The following HDAC1 variants were observed in gnomAD, a reference collection of about 807,000 sequenced individuals.
HDAC1 encodes the protein protein deacetylase HDAC1.
Under a neutral mutation model 65.5 loss-of-function variants are expected in HDAC1, and 18 were observed. The ratio of observed to expected loss-of-function variants is 0.27; its 90% CI spans 0.19 to 0.41. The LOEUF is 0.41. HDAC1 is among the 10% of genes least tolerant of loss of function. HDAC1 has a pLI of 1.00. For synonymous variants in HDAC1, 211 were observed against 227.9 expected, an observed-to-expected ratio of 0.93 and a Z score of 0.67; for missense variants, 373 against 625.2, an observed-to-expected ratio of 0.60 and a Z score of 4.30.
In HDAC1 at chr1:32,333,136, A is replaced by C; in HGVS notation, c.*92A>C. The C allele has an allele frequency of 9.6e-7, 1 of 1,046,668 alleles. No individual in the cohort carries two copies. Among genetic ancestry groups the C allele is most frequent in the Non-Finnish European group, 1.4e-6 (1 of 721,984 alleles). The allele number at this position is 1,046,668 out of a possible 1,614,324, so 64.8% of individuals were successfully genotyped here. A position where few individuals can be genotyped will look rare whatever the true frequency, so the allele number is the denominator to read the frequency against. On this transcript the variant is annotated 3_prime_UTR_variant, in exon 14 of 14. Coordinates refer to ENST00000373548, the MANE Select transcript of HDAC1 (RefSeq NM_004964.3). ...ATATTTTCTATTTCTCTGTGTATTT[A>C]TATAAAAATTTATTAAATATAAATA...
chr1:32,300,797 A>G (rs1483808518), intron 1 of HDAC1, among the ~76,000 whole-genome samples: 1 of 152,172 alleles, frequency 6.6e-6, no homozygotes, highest in Admixed American at 6.6e-5. Context: ...GTGTGTCTGG[A>G]GCACAGGTTG....
intron 2 of HDAC1, among the ~76,000 whole-genome samples, chr1:32,304,063 G>A (rs552649607): frequency 2.0e-5 from 3 of 152,298 alleles, no homozygotes; most frequent in East Asian, 1.9e-4. Flanking sequence ...AAGCAGGGAG[G>A]CTAGGTAAGT....
At chr1:32,312,844 T>G (rs1641008693) in intron 2 of HDAC1, among the ~76,000 whole-genome samples, 1 of 151,802 alleles carries the variant, frequency 6.6e-6, no homozygotes, top group Non-Finnish European at 1.5e-5. Flanking sequence ...CCCAGCTAAT[T>G]TTTGTATTTT....
At chr1:32,301,645 C>T (rs1640850376) in intron 1 of HDAC1, among the ~76,000 whole-genome samples, 1 of 151,838 alleles carries the variant, frequency 6.6e-6, no homozygotes, top group Non-Finnish European at 1.5e-5. Flanking sequence ...TAGCACATGC[C>T]TGTGATGCCA....
intron 3 of HDAC1, among the ~76,000 whole-genome samples, chr1:32,318,763 G>A (rs1641098371): frequency 6.6e-6 from 1 of 152,136 alleles, no homozygotes; most frequent in South Asian, 2.1e-4. Context: ...CCTGAGGAGT[G>A]TGCAGGTTCT....
intron 3 of HDAC1, among the ~76,000 whole-genome samples, chr1:32,321,889 G>A (rs549876943): frequency 5.2e-4 from 79 of 152,184 alleles, no homozygotes; most frequent in South Asian, 1.0e-3. Context: ...ATAAACAGCC[G>A]GGGCCCAGGG....
chr1:32,301,778 A>G (rs1640851902), intron 1 of HDAC1, among the ~76,000 whole-genome samples: 1 of 152,196 alleles, frequency 6.6e-6, no homozygotes, highest in African/African-American at 2.4e-5. Context: ...CAAAAAAAAG[A>G]AAGTCCTTGA....
intron 3 of HDAC1, 57 bp downstream of exon 3, chr1:32,316,839 C>A: frequency 1.9e-6 from 2 of 1,049,396 alleles, no homozygotes; most frequent in Non-Finnish European, 3.0e-6. Flanking sequence ...TCCCTTTCCA[C>A]TGTAGAGGCC....
rs550409911 is a variant in HDAC1 at position 32,331,203 on chromosome 1, C to T, written c.980-271C>T. Among the ~76,000 whole-genome samples the T allele has an allele frequency of 6.4e-4, 98 of 152,252 alleles. No individual in the cohort carries two copies. Among genetic ancestry groups the T allele is most frequent in the Admixed American group, 2.6e-3 (39 of 15,294 alleles). ...TAACTGGAGTAGCGAGTGAAGGGAG[C>T]GCTCATAATGAGCATGGCCTCAAGT... On this transcript the variant is annotated intron_variant, in intron 9 of 13. Coordinates refer to ENST00000373548, the MANE Select transcript of HDAC1 (RefSeq NM_004964.3). The surrounding 1 kb of genome is among the most constrained non-coding windows in gnomAD (Gnocchi z 4.2).
chr1:32,316,190 A>G (rs1341474542), intron 2 of HDAC1, among the ~76,000 whole-genome samples: 1 of 151,932 alleles, frequency 6.6e-6, no homozygotes, highest in Non-Finnish European at 1.5e-5. Context: ...AGGCTGAGGC[A>G]GGAGAATGGC....
chr1:32,306,594 T>G (rs1235339019), intron 2 of HDAC1, among the ~76,000 whole-genome samples: 1 of 152,178 alleles, frequency 6.6e-6, no homozygotes, highest in Non-Finnish European at 1.5e-5. Flanking sequence ...GTAGCACTTC[T>G]TTTTAATTTA....
chr1:32,315,599 C>T (rs948979381), intron 2 of HDAC1, among the ~76,000 whole-genome samples: 5 of 151,060 alleles, frequency 3.3e-5, no homozygotes, highest in African/African-American at 1.2e-4. Flanking sequence ...GTGATCCACC[C>T]GCCTCAGCCT....
intron 6 of HDAC1, among the ~76,000 whole-genome samples, chr1:32,328,715 T>C (rs759779616): frequency 2.0e-5 from 3 of 151,926 alleles, no homozygotes; most frequent in Non-Finnish European, 4.4e-5. Flanking sequence ...CTCTCTGGAG[T>C]GGAAAGGGTT....
At chr1:32,312,698 CAG>C (rs1192141993) in intron 2 of HDAC1, among the ~76,000 whole-genome samples, 3 of 130,670 alleles carry the variant, frequency 2.3e-5, no homozygotes, top group African/African-American at 8.8e-5. Context: ...TTTTTTGAGA[CAG>C]AGTCTCGCTC....
chr1:32,305,223 T>C (rs1640895965), intron 2 of HDAC1, among the ~76,000 whole-genome samples: 1 of 152,216 alleles, frequency 6.6e-6, no homozygotes, highest in Admixed American at 6.6e-5. Flanking sequence ...GAAATAAATG[T>C]ATTCTAGTCT....
Position 32,329,965 on chromosome 1 carries a change from A to ACACCATTC in HDAC1, c.730-613_730-612insCACCATTC. 1 of 158,246 alleles carries ACACCATTC rather than the reference A, an allele frequency of 6.3e-6. No individual in the cohort carries two copies. Among genetic ancestry groups the ACACCATTC allele is most frequent in the Admixed American group, 6.0e-5 (1 of 16,806 alleles). 9.8% of individuals were successfully genotyped at this position (158,246 alleles called of 1,614,324 possible). A position where few individuals can be genotyped will look rare whatever the true frequency, so the allele number is the denominator to read the frequency against. ...AGGAGTGCTGAAGGAGGCGGTGGGA[A>ACACCATTC]GTGTATGCTGGGCTCAGTATTTCAA... On this transcript the variant is annotated intron_variant, in intron 7 of 13. Coordinates refer to ENST00000373548, the MANE Select transcript of HDAC1 (RefSeq NM_004964.3). This position sits in a 1 kb window ranked among gnomAD's most constrained non-coding sequence, Gnocchi z 4.1.
At chr1:32,308,593 A>G (rs1285759282) in intron 2 of HDAC1, among the ~76,000 whole-genome samples, 2 of 152,058 alleles carry the variant, frequency 1.3e-5, no homozygotes, top group Non-Finnish European at 1.5e-5. Context: ...ATCTCGGCCC[A>G]CTGCAAGCTC....
At chr1:32,308,218 C>G (rs1640937671) in intron 2 of HDAC1, among the ~76,000 whole-genome samples, 1 of 152,140 alleles carries the variant, frequency 6.6e-6, no homozygotes, top group Non-Finnish European at 1.5e-5. Flanking sequence ...ACTAGGGAGG[C>G]TGAGGCAGAA....
At chr1:32,301,318 C>T (rs574200130) in intron 1 of HDAC1, among the ~76,000 whole-genome samples, 194 of 152,006 alleles carry the variant, frequency 1.3e-3, no homozygotes, top group Admixed American at 2.9e-3. Context: ...TGGTGGCAGG[C>T]GCCTGTAGTC....
Sources: allele counts gnomAD v4.1 joint callset (sites outside exome capture counted in the v4.1 genomes callset), GRCh38; gene constraint gnomAD v4.1.1; non-coding constraint Gnocchi (gnomAD v3.1); transcripts MANE v1.5; gene names NCBI Gene and HGNC (gene_info 2026-07-23, HGNC 2026-07-21).